Variants in CTNNA2 observed in about 807,000 individuals in gnomAD.
CTNNA2 encodes catenin alpha 2.
A neutral mutation model predicts 101.0 loss-of-function variants in CTNNA2; 42 were observed. The ratio of observed to expected loss-of-function variants is 0.42; its 90% CI spans 0.32 to 0.54. The LOEUF (loss-of-function observed/expected upper bound fraction) is 0.54, where lower values mean the gene tolerates loss of function less well. CTNNA2 is among the 20% of genes least tolerant of loss of function. CTNNA2 has a pLI of 0.14. For synonymous variants in CTNNA2, 450 were observed against 456.4 expected (o/e 0.99, Z 0.18); for missense variants, 871 against 1,223.1 (o/e 0.71, Z 4.29).
intron 2 of CTNNA2, among the ~76,000 whole-genome samples, chr2:79,307,934 G>A (rs1015620861): frequency 6.6e-6 from 1 of 151,992 alleles, no homozygotes; most frequent in African/African-American, 2.4e-5. Context: ...ACACTTCACT[G>A]TGATTTTCAT....
chr2:80,482,197 G>C (rs1238079282), intron 9 of CTNNA2, among the ~76,000 whole-genome samples: 1 of 152,004 alleles, frequency 6.6e-6, no homozygotes, highest in African/African-American at 2.4e-5. Flanking sequence ...CCTCCCAAAA[G>C]TCTGTCAGAC....
intron 7 of CTNNA2, among the ~76,000 whole-genome samples, chr2:79,948,796 G>A (rs1467769876): frequency 1.3e-5 from 2 of 151,976 alleles, no homozygotes; most frequent in Non-Finnish European, 2.9e-5. Flanking sequence ...GGGAAACCCC[G>A]TCTCTATTAA....
At chr2:80,562,930 A>G (rs1370989694) in intron 12 of CTNNA2, among the ~76,000 whole-genome samples, 1 of 152,000 alleles carries the variant, frequency 6.6e-6, no homozygotes, top group Non-Finnish European at 1.5e-5. Flanking sequence ...GTGAAGGTGG[A>G]GATAGGGTAC....
chr2:79,419,477 G>C (rs1291806247), intron 4 of CTNNA2, among the ~76,000 whole-genome samples: 1 of 152,080 alleles, frequency 6.6e-6, no homozygotes, highest in Admixed American at 6.6e-5. Context: ...AGTGGATGCT[G>C]TTTATAGGAG....
rs554594213 is a variant in CTNNA2, at chr2:79,567,750, G to A, written c.-6+54543G>A. 2.6e-4 allele frequency among the ~76,000 whole-genome samples: 40 copies of A among 152,146 alleles called. No individual in the cohort carries two copies. In the East Asian group the frequency reaches 7.6e-3, roughly 29 times the overall value. ...TGAGACCACAGAAGGTAGAGCCAAG[G>A]GATGTATTCCACAATACAGCATAGT... On this transcript the variant is annotated intron_variant, in intron 1 of 18. Transcript: ENST00000402739.
intron 7 of CTNNA2, among the ~76,000 whole-genome samples, chr2:80,116,935 G>GTGTGTC (rs1252480442): frequency 6.6e-6 from 1 of 151,338 alleles, no homozygotes; most frequent in Non-Finnish European, 1.5e-5. Context: ...GTGTGTGTGT[G>GTGTGTC]TCTATGCAAA....
chr2:79,546,930 G>C (rs1203355194), intron 1 of CTNNA2, among the ~76,000 whole-genome samples: 2 of 152,104 alleles, frequency 1.3e-5, no homozygotes, highest in African/African-American at 2.4e-5. Context: ...AAGCCTTAAG[G>C]CCTGCTCAAC....
At chr2:80,017,443 C>T (rs1166796506) in intron 7 of CTNNA2, among the ~76,000 whole-genome samples, 1 of 150,330 alleles carries the variant, frequency 6.7e-6, no homozygotes, top group Non-Finnish European at 1.5e-5. Context: ...GATATATATA[C>T]GTGTGTATAT....
intron 2 of CTNNA2, among the ~76,000 whole-genome samples, chr2:79,700,587 A>G (rs1288387377): frequency 1.3e-5 from 2 of 152,134 alleles, no homozygotes; most frequent in Non-Finnish European, 2.9e-5. Flanking sequence ...AACAACAAAA[A>G]AAGAGTAGCG....
At chr2:79,866,228 T>G (rs1051353238) in intron 4 of CTNNA2, among the ~76,000 whole-genome samples, 5 of 152,208 alleles carry the variant, frequency 3.3e-5, no homozygotes, top group African/African-American at 1.2e-4. Context: ...CTGAAAAGAA[T>G]TTCTTAACCC....
At chr2:79,898,649 T>C (rs909940988) in intron 6 of CTNNA2, among the ~76,000 whole-genome samples, 7 of 152,158 alleles carry the variant, frequency 4.6e-5, no homozygotes, top group Non-Finnish European at 8.8e-5. Context: ...GAAGGGAGAT[T>C]ATGGATTCTT....
intron 2 of CTNNA2, among the ~76,000 whole-genome samples, chr2:79,678,542 C>CAAAAA (rs569707654): frequency 1.0e-5 from 1 of 99,030 alleles, no homozygotes; most frequent in Non-Finnish European, 2.2e-5. Context: ...CTCAAACAAA[C>CAAAAA]AAAAAAAAAA....
intron 4 of CTNNA2, among the ~76,000 whole-genome samples, chr2:79,863,451 A>G (rs1336452728): frequency 2.6e-5 from 4 of 152,184 alleles, no homozygotes; most frequent in African/African-American, 7.2e-5. Flanking sequence ...CCTAGATTCA[A>G]TAAGTCGGAG....
intron 2 of CTNNA2, among the ~76,000 whole-genome samples, chr2:79,290,707 G>A (rs1489939921): frequency 1.3e-5 from 2 of 152,134 alleles, no homozygotes; most frequent in Non-Finnish European, 1.5e-5. Flanking sequence ...TGACTGGGGA[G>A]TCCCGACTCC....
At chr2:79,554,270 G>C (rs902806957) in intron 1 of CTNNA2, among the ~76,000 whole-genome samples, 1 of 151,768 alleles carries the variant, frequency 6.6e-6, no homozygotes, top group Non-Finnish European at 1.5e-5. Context: ...GAACTGATAC[G>C]ATAGCCTTCT....
chr2:79,234,663 C>A (rs1674534281), intron 2 of CTNNA2, among the ~76,000 whole-genome samples: 1 of 152,142 alleles, frequency 6.6e-6, no homozygotes, highest in Non-Finnish European at 1.5e-5. Flanking sequence ...TTCAGGAATG[C>A]CCATGAGTTG....
intron 3 of CTNNA2, among the ~76,000 whole-genome samples, chr2:79,769,170 A>G (rs888378843): frequency 2.0e-5 from 3 of 152,118 alleles, no homozygotes; most frequent in African/African-American, 7.2e-5. Flanking sequence ...GACTGTTCTT[A>G]AAGTTTCTTT....
chr2:80,538,628 C>A (rs535935211), intron 9 of CTNNA2, among the ~76,000 whole-genome samples: 1 of 152,162 alleles, frequency 6.6e-6, no homozygotes, highest in Non-Finnish European at 1.5e-5. Context: ...GTTACTGTAA[C>A]CTTGTAGTAC....
chr2:79,303,713 A>G (rs1676167878), intron 2 of CTNNA2, among the ~76,000 whole-genome samples: 3 of 152,014 alleles, frequency 2.0e-5, no homozygotes, highest in South Asian at 2.1e-4. Context: ...AGGAGACCAC[A>G]CAACAAAACA....
Sources: allele counts gnomAD v4.1 joint callset (sites outside exome capture counted in the v4.1 genomes callset), GRCh38; gene constraint gnomAD v4.1.1; transcripts MANE v1.5; gene names NCBI Gene and HGNC (gene_info 2026-07-23, HGNC 2026-07-21).